The following TMPRSS15 variants were observed in gnomAD, a reference collection of about 807,000 sequenced individuals.
TMPRSS15 encodes the protein transmembrane serine protease 15.
Under a neutral mutation model 125.3 loss-of-function variants are expected in TMPRSS15, and 128 were observed. That is an observed-to-expected ratio of 1.02 (90% CI 0.89 to 1.18). TMPRSS15 has a LOEUF of 1.18. Among genes scored for constraint, TMPRSS15 ranks in the 50% most tolerant of loss-of-function variants. The pLI is 0.00. For synonymous variants in TMPRSS15, 446 were observed against 423.2 expected (o/e 1.05, Z -0.66); for missense variants, 1,283 against 1,212.7 (o/e 1.06, Z -0.86).
chr21:18,344,146 A>G, intron 10 of TMPRSS15, 86 bp from the exon 11 acceptor site: 1 of 1,119,510 alleles, frequency 8.9e-7, no homozygotes, highest in Non-Finnish European at 1.3e-6. Context: ...AGGAAAGAAA[A>G]ACTTTAAGAA....
rs73895615 is a variant in TMPRSS15, at chr21:18,439,517, A to G, written c.11-41188T>C. ...ACATTTAAGTATTATGGTCATCAGA[A>G]TATAAAATATATAGCACAGAACTTT... On this transcript the variant is annotated intron_variant, in intron 1 of 7. Coordinates refer to the TMPRSS15 transcript ENST00000422787. Among the ~76,000 whole-genome samples the G allele has an allele frequency of 8.2e-3, 1,253 of 152,330 alleles. 17 individuals carry two copies. The highest frequency in any genetic ancestry group is 0.029 in the African/African-American group (1,209 of 41,576).
intron 1 of TMPRSS15, among the ~76,000 whole-genome samples, chr21:18,472,455 T>TTATATATATATATATATATATATA (rs34604020): frequency 7.0e-6 from 1 of 143,154 alleles, no homozygotes; most frequent in African/African-American, 2.6e-5. Flanking sequence ...GCTAAAAGAA[T>TTATATATATATATATATATATATA]TATATATATA....
rs189677812 is a variant in TMPRSS15, at chr21:18,314,461, A to G, written c.2032+685T>C. 1.1e-3 allele frequency among the ~76,000 whole-genome samples: 175 copies of G among 152,208 alleles called. 1 individual carries two copies. The highest frequency in any genetic ancestry group is 2.1e-3 in the Admixed American group (32 of 15,288). On this transcript the variant is annotated intron_variant, in intron 17 of 24. Coordinates refer to ENST00000284885, the MANE Select transcript of TMPRSS15 (RefSeq NM_002772.3). ...GCCTGGCAAATTTCGTATTTTTAGTAGAGACAGGGTTTCACCATGTTGGTC... is the reference window on the plus strand; with the variant it reads ...GCCTGGCAAATTTCGTATTTTTAGTGGAGACAGGGTTTCACCATGTTGGTC...
chr21:18,377,203 T>C (rs1426496185), intron 5 of TMPRSS15, among the ~76,000 whole-genome samples: 1 of 152,202 alleles, frequency 6.6e-6, no homozygotes, highest in Non-Finnish European at 1.5e-5. Flanking sequence ...AGTTTGAGAA[T>C]TGATTAAGGT....
At chr21:18,278,580 G>C (rs564123517) in intron 23 of TMPRSS15, among the ~76,000 whole-genome samples, 5 of 135,622 alleles carry the variant, frequency 3.7e-5, no homozygotes, top group African/African-American at 1.4e-4. Context: ...AATTAGCCAG[G>C]CATGGTGGCA....
At chr21:18,442,412 T>G (rs1463339046) in intron 1 of TMPRSS15, among the ~76,000 whole-genome samples, 1 of 152,202 alleles carries the variant, frequency 6.6e-6, no homozygotes, top group African/African-American at 2.4e-5. Context: ...TACTTTTTTC[T>G]CCTTACATAT....
chr21:18,272,819 A>T (rs2074575497), intron 24 of TMPRSS15, among the ~76,000 whole-genome samples: 1 of 152,248 alleles, frequency 6.6e-6, no homozygotes, highest in East Asian at 1.9e-4. Flanking sequence ...ATTAACCTTA[A>T]ATTTATGTTT....
At chr21:18,408,305 A>G (rs1468095773), upstream of TMPRSS15, among the ~76,000 whole-genome samples, 1 of 152,198 alleles carries the variant, frequency 6.6e-6, no homozygotes, top group Non-Finnish European at 1.5e-5. Flanking sequence ...ACTGTTCAAC[A>G]CAAGATGAGA....
At chr21:18,427,226 G>A (rs930151242) in intron 1 of TMPRSS15, among the ~76,000 whole-genome samples, 9 of 152,254 alleles carry the variant, frequency 5.9e-5, no homozygotes, top group South Asian at 4.1e-4. Flanking sequence ...TGTTAATTGC[G>A]TAGCCCAAAA....
chr21:18,347,550 T>A (rs1418244682), intron 10 of TMPRSS15, among the ~76,000 whole-genome samples: 1 of 152,214 alleles, frequency 6.6e-6, no homozygotes, highest in Non-Finnish European at 1.5e-5. Flanking sequence ...TTTATTTATG[T>A]TTATATGTGA....
intron 5 of TMPRSS15, among the ~76,000 whole-genome samples, chr21:18,378,801 A>G (rs1319075587): frequency 3.3e-5 from 5 of 152,126 alleles, no homozygotes. Context: ...ATACATACTG[A>G]GAGTTGGCAC....
chr21:18,395,093 G>T (rs1282389717), intron 3 of TMPRSS15, among the ~76,000 whole-genome samples: 1 of 152,098 alleles, frequency 6.6e-6, no homozygotes, highest in East Asian at 1.9e-4. Context: ...GGAGAACAAG[G>T]AAAACTAAAG....
chr21:18,426,304 T>C (rs1377014648), intron 1 of TMPRSS15, among the ~76,000 whole-genome samples: 1 of 152,182 alleles, frequency 6.6e-6, no homozygotes, highest in Non-Finnish European at 1.5e-5. Flanking sequence ...TTATCTATTG[T>C]CACTTAGCAA....
chr21:18,319,624 T>A (rs894318306), intron 16 of TMPRSS15, among the ~76,000 whole-genome samples: 5 of 152,048 alleles, frequency 3.3e-5, no homozygotes, highest in Non-Finnish European at 7.4e-5. Context: ...GACGGGGTTT[T>A]CTCAATGTTG....
chr21:18,275,649 G>A (rs540137314), intron 23 of TMPRSS15, among the ~76,000 whole-genome samples: 1 of 152,256 alleles, frequency 6.6e-6, no homozygotes, highest in South Asian at 2.1e-4. Flanking sequence ...GGGGGAAAAC[G>A]CTCCCCAACA....
chr21:18,400,588 A>G (rs2076086100), intron 1 of TMPRSS15, among the ~76,000 whole-genome samples: 1 of 152,140 alleles, frequency 6.6e-6, no homozygotes, highest in African/African-American at 2.4e-5. Context: ...ACGCAAGATA[A>G]ATTAAAGATT....
At chr21:18,425,246 T>C (rs917619970) in intron 1 of TMPRSS15, among the ~76,000 whole-genome samples, 1 of 152,088 alleles carries the variant, frequency 6.6e-6, no homozygotes, top group Non-Finnish European at 1.5e-5. Context: ...TGATTAGCTA[T>C]TAATGTTTTG....
intron 1 of TMPRSS15, among the ~76,000 whole-genome samples, chr21:18,401,716 C>T (rs971539383): frequency 1.3e-5 from 2 of 152,002 alleles, no homozygotes; most frequent in African/African-American, 4.8e-5. Flanking sequence ...TGCACATGTG[C>T]CCCCTGAATC....
chr21:18,332,043 T>A, intron 14 of TMPRSS15, 41 bp downstream of exon 14: 1 of 1,552,614 alleles, frequency 6.4e-7, no homozygotes, highest in African/African-American at 1.4e-5. Flanking sequence ...ACATTTCATA[T>A]GGACATTTGT....
Sources: gnomAD v4.1 joint callset for allele counts (sites outside exome capture counted in the v4.1 genomes callset) on GRCh38, gnomAD v4.1.1 for gene constraint, MANE v1.5 for transcripts, NCBI Gene and HGNC (gene_info 2026-07-23, HGNC 2026-07-21) for gene names.